HIVEP3: variants seen among roughly 807,000 people sequenced by gnomAD.
HIVEP3 encodes HIVEP zinc finger 3.
Under a neutral mutation model 152.8 loss-of-function variants are expected in HIVEP3, and 49 were observed. The observed-to-expected ratio is 0.32, with a 90% CI of 0.26 to 0.41. HIVEP3 has a LOEUF of 0.41. Among genes scored for constraint, HIVEP3 ranks in the 10% least tolerant of loss-of-function variants. The pLI, the probability that HIVEP3 is intolerant of heterozygous loss-of-function variation, is 1.00. For synonymous variants in HIVEP3, 1,269 were observed against 1,289.0 expected (o/e 0.98, Z 0.33); for missense variants, 2,790 against 3,103.3 (o/e 0.90, Z 2.40).
At chr1:42,007,230 TG>T (rs1171833490) in intron 1 of HIVEP3, among the ~76,000 whole-genome samples, 2 of 152,192 alleles carry the variant, frequency 1.3e-5, no homozygotes, top group African/African-American at 2.4e-5. Context: ...CAAAAGCACA[TG>T]CCCTCGAGTG....
rs1022140427 is a variant in HIVEP3, at chr1:41,739,254, C to T, written c.-800-38259G>A. On this transcript the variant is annotated intron_variant, in intron 1 of 8. Coordinates refer to ENST00000372583, the MANE Select transcript of HIVEP3 (RefSeq NM_024503.5). ...CTGGAGGTCACGTGCACAGAGCAGC[C>T]GGTGGCAAACGGGGAACTCCAGGAA... Among the ~76,000 whole-genome samples, 185 of 152,304 alleles carry T rather than the reference C, an allele frequency of 1.2e-3. 2 individuals are homozygous for T. Among genetic ancestry groups the T allele is most frequent in the East Asian group, 1.9e-4 (1 of 5,182 alleles).
In HIVEP3 at chr1:41,929,726, T is replaced by TTATATATATATATATA. The variant is rs55663663; in HGVS notation, n.120-11218_120-11203dup. The stretch of plus-strand genomic sequence containing the variant: ...TGTGTGAGTGTGTGTATATGTGTTT[T>TTATATATATATATATA]TATATATATATATATATATATATAT... On this transcript the variant is annotated intron_variant and non_coding_transcript_variant, in intron 1 of 3. Transcript: ENST00000489103. 1.9e-3 allele frequency among the ~76,000 whole-genome samples: 210 copies of TTATATATATATATATA among 112,768 alleles called. 2 individuals are homozygous for TTATATATATATATATA. The highest frequency in any genetic ancestry group is 2.4e-3 in the Non-Finnish European group (141 of 59,430). 74.0% of individuals were successfully genotyped at this position (112,768 alleles called of 152,430 possible). A position where few individuals can be genotyped will look rare whatever the true frequency, so the allele number is the denominator to read the frequency against.
intron 2 of HIVEP3, among the ~76,000 whole-genome samples, chr1:41,674,321 C>A (rs1051557503): frequency 6.6e-6 from 1 of 152,238 alleles, no homozygotes; most frequent in Admixed American, 6.5e-5. Flanking sequence ...CCCACCCATG[C>A]CACTGTTTTG....
chr1:41,527,973 A>C (rs1558030786), intron 5 of HIVEP3, among the ~76,000 whole-genome samples: 1 of 124,106 alleles, frequency 8.1e-6, no homozygotes, highest in African/African-American at 3.2e-5. Flanking sequence ...CCTTGCATTC[A>C]CCTTCACACT....
intron 1 of HIVEP3, among the ~76,000 whole-genome samples, chr1:41,915,840 G>A (rs754854307): frequency 2.8e-4 from 42 of 152,216 alleles, no homozygotes; most frequent in Non-Finnish European, 5.6e-4. Flanking sequence ...CAGAATGCTA[G>A]TGCTGCCTGT....
chr1:42,011,464 G>A (rs1409709692), intron 1 of HIVEP3, among the ~76,000 whole-genome samples: 2 of 152,084 alleles, frequency 1.3e-5, no homozygotes, highest in African/African-American at 4.8e-5. Flanking sequence ...TTATTTCCAG[G>A]TAAACTCAGT....
chr1:41,721,995 C>T (rs12569306), intron 1 of HIVEP3, among the ~76,000 whole-genome samples: 3,447 of 152,310 alleles, frequency 0.023, 186 homozygotes, highest in East Asian at 0.22. Context: ...TGAAGCTCTC[C>T]ATCATCTCTG....
chr1:41,788,453 G>A (rs775737832), intron 1 of HIVEP3, among the ~76,000 whole-genome samples: 4 of 152,220 alleles, frequency 2.6e-5, no homozygotes, highest in Non-Finnish European at 5.9e-5. Context: ...GCAGCCAGGA[G>A]CCCCAGGGAA....
chr1:41,546,261 G>C (rs1428371637), intron 5 of HIVEP3, among the ~76,000 whole-genome samples: 1 of 152,190 alleles, frequency 6.6e-6, no homozygotes, highest in Non-Finnish European at 1.5e-5. Context: ...GCAAAGTGAG[G>C]ACTGTAGTGG....
intron 5 of HIVEP3, among the ~76,000 whole-genome samples, chr1:41,573,690 T>C (rs922628114): frequency 1.3e-5 from 2 of 152,062 alleles, no homozygotes; most frequent in Admixed American, 1.3e-4. Context: ...CCTCTGAAAA[T>C]CCCACATGTT....
In HIVEP3 at chr1:41,581,504, G is replaced by T. The variant is rs537713789; in HGVS notation, c.3294C>A (p.Pro1098=). 1.2e-4 allele frequency: 187 copies of T among 1,578,794 alleles called. No homozygotes were observed. Among genetic ancestry groups the T allele is most frequent in the Non-Finnish European group, 1.6e-4 (184 of 1,163,158 alleles). The change falls in exon 4 of 9, where the codon CCC becomes CCA. Residue 1098 remains proline (P), a synonymous_variant. Transcript: ENST00000372583. This position sits in a 1 kb window ranked among gnomAD's most constrained non-coding sequence, Gnocchi z 4.5. ...CCTGCCCTGGGCCCTTGCCTCCCGG[G>T]GGTCCACCATGTGAGGTGGCCGCAG... ...ISSAATSHGG[P]PGGKGPGQDR...
intron 1 of HIVEP3, among the ~76,000 whole-genome samples, chr1:42,010,372 T>C (rs1645486016): frequency 6.6e-6 from 1 of 152,198 alleles, no homozygotes; most frequent in Admixed American, 6.5e-5. Flanking sequence ...TCCTTTATAT[T>C]TGTTGCTGAA....
At chr1:41,659,511 C>T (rs915420589) in intron 2 of HIVEP3, among the ~76,000 whole-genome samples, 8 of 152,254 alleles carry the variant, frequency 5.3e-5, no homozygotes, top group Non-Finnish European at 7.3e-5. Flanking sequence ...ACTCAGCAAA[C>T]ATGTTCATCA....
intron 1 of HIVEP3, among the ~76,000 whole-genome samples, chr1:41,751,995 A>G (rs1040461319): frequency 1.3e-5 from 2 of 152,068 alleles, no homozygotes; most frequent in African/African-American, 4.8e-5. Flanking sequence ...TTCTCACTCC[A>G]CCTTCTTTAT....
intron 1 of HIVEP3, among the ~76,000 whole-genome samples, chr1:41,722,923 G>A (rs1397496151): frequency 2.0e-5 from 3 of 152,208 alleles, no homozygotes; most frequent in Non-Finnish European, 4.4e-5. Context: ...GCATGTGTGT[G>A]TGTGAGCTAG....
chr1:41,658,679 G>C (rs1645666594), intron 2 of HIVEP3, among the ~76,000 whole-genome samples: 2 of 152,176 alleles, frequency 1.3e-5, no homozygotes, highest in African/African-American at 4.8e-5. Context: ...GCCTGCGGCA[G>C]TGTGTGGCAG....
rs1010198418 is a variant in HIVEP3, at chr1:41,950,134, C to T, written n.120-31610G>A. Among the ~76,000 whole-genome samples, 19 of 152,208 alleles carry T rather than the reference C, an allele frequency of 1.2e-4. No homozygotes were observed. In the South Asian group the frequency reaches 3.5e-3, roughly 28 times the overall value. ...GTAGTAAAGAGAGCTCACTAAAATGCTAATTAGGCAAAAACAGGAGGTAAA... is the reference window on the plus strand; with the variant it reads ...GTAGTAAAGAGAGCTCACTAAAATGTTAATTAGGCAAAAACAGGAGGTAAA... On this transcript the variant is annotated intron_variant and non_coding_transcript_variant, in intron 1 of 3. Coordinates refer to the HIVEP3 transcript ENST00000489103.
chr1:41,812,263 C>T (rs895979547), intron 1 of HIVEP3, among the ~76,000 whole-genome samples: 7 of 152,050 alleles, frequency 4.6e-5, no homozygotes, highest in East Asian at 1.9e-4. Context: ...CAGCTTGCAA[C>T]GGACAGATGT....
At chr1:41,915,580 G>A (rs765638398) in intron 1 of HIVEP3, among the ~76,000 whole-genome samples, 1 of 152,196 alleles carries the variant, frequency 6.6e-6, no homozygotes, top group Non-Finnish European at 1.5e-5. Context: ...TTCATAAACT[G>A]TAGCTCATGG....
Sources: allele counts gnomAD v4.1 joint callset (sites outside exome capture counted in the v4.1 genomes callset), GRCh38; gene constraint gnomAD v4.1.1; non-coding constraint Gnocchi (gnomAD v3.1); transcripts MANE v1.5; gene names NCBI Gene and HGNC (gene_info 2026-07-23, HGNC 2026-07-21).